FBXO25: variants seen among roughly 807,000 people sequenced by gnomAD.
The protein encoded by FBXO25 is F-box only protein 25.
Under a neutral mutation model 51.9 loss-of-function variants are expected in FBXO25, and 45 were observed. The ratio of observed to expected loss-of-function variants is 0.87; its 90% CI spans 0.68 to 1.11. FBXO25 has a LOEUF of 1.11. FBXO25 is among the 50% of genes most tolerant of loss of function. The pLI is 0.00. For missense variants in FBXO25, 507 were observed against 428.5 expected, an observed-to-expected ratio of 1.18 and a Z score of -1.62; for synonymous variants, 199 against 151.0, an observed-to-expected ratio of 1.32 and a Z score of -2.33.
At chr8:456,371 G>A (rs562499887) in intron 7 of FBXO25, among the ~76,000 whole-genome samples, 71 of 152,208 alleles carry the variant, frequency 4.7e-4, no homozygotes, top group African/African-American at 1.5e-3. Flanking sequence ...CACCCGGCCT[G>A]GCCATATTCT....
At chr8:424,323 C>A (rs946428450) in intron 2 of FBXO25, among the ~76,000 whole-genome samples, 1 of 152,092 alleles carries the variant, frequency 6.6e-6, no homozygotes, top group Non-Finnish European at 1.5e-5. Flanking sequence ...TGTCTATATT[C>A]TCTGTCAATA....
intron 7 of FBXO25, among the ~76,000 whole-genome samples, chr8:454,500 A>G (rs1031619938): frequency 2.0e-5 from 3 of 152,236 alleles, no homozygotes; most frequent in African/African-American, 7.2e-5. Flanking sequence ...AGATGAGCAC[A>G]TGATGTGTCA....
At chr8:466,902 C>A (rs964934572) in intron 9 of FBXO25, among the ~76,000 whole-genome samples, 1 of 152,146 alleles carries the variant, frequency 6.6e-6, no homozygotes, top group Non-Finnish European at 1.5e-5. Context: ...CTGTACAAAA[C>A]CTCAGTTAAA....
chr8:446,713 A>G (rs1388353123), intron 5 of FBXO25, among the ~76,000 whole-genome samples: 3 of 152,214 alleles, frequency 2.0e-5, no homozygotes. Context: ...TGCTTGGCCT[A>G]ACCTGATCTT....
rs754758267 is a variant in FBXO25 at position 468,806 on chromosome 8, G to T, written c.*2G>T. On this transcript the variant is annotated 3_prime_UTR_variant, in exon 10 of 10. Transcript: ENST00000350302. ...TTCATCGACCTCTTCAAGTTTTAAG[G>T]GCTGCCCCTGCCATCCCTATTGGAG... 6.2e-7 allele frequency: 1 copy of T among 1,613,668 alleles called. No individual in the cohort carries two copies. The highest frequency in any genetic ancestry group is 1.1e-5 in the South Asian group (1 of 91,000).
At chr8:440,640 A>C (rs1042711987) in intron 5 of FBXO25, among the ~76,000 whole-genome samples, 28 of 151,966 alleles carry the variant, frequency 1.8e-4, no homozygotes, top group Non-Finnish European at 2.9e-5. Flanking sequence ...CTCAATGTGC[A>C]GGTTTGTTAC....
chr8:467,774 G>A, intron 9 of FBXO25: 1 of 1,613,576 alleles, frequency 6.2e-7, no homozygotes, highest in Non-Finnish European at 8.5e-7. Context: ...CACACATCCT[G>A]TGTTCGGGAT....
At chr8:422,872 T>G (rs4464944) in intron 2 of FBXO25, among the ~76,000 whole-genome samples, 3 of 152,068 alleles carry the variant, frequency 2.0e-5, no homozygotes, top group African/African-American at 7.2e-5. Context: ...ATGGTGTCTT[T>G]ATTGGGTATG....
intron 2 of FBXO25, among the ~76,000 whole-genome samples, chr8:430,390 C>A (rs933109956): frequency 6.6e-6 from 1 of 151,734 alleles, no homozygotes; most frequent in African/African-American, 2.4e-5. Context: ...CTGTTGGCAC[C>A]GCTGTTTAAG....
At chr8:439,491 C>T (rs1184968962) in intron 5 of FBXO25, among the ~76,000 whole-genome samples, 1 of 152,236 alleles carries the variant, frequency 6.6e-6, no homozygotes, top group Non-Finnish European at 1.5e-5. Context: ...TGAAGTACTT[C>T]ATTCTCTGCC....
In FBXO25 at chr8:471,336, G is replaced by T. The variant is rs1357476109; in HGVS notation, c.*2532G>T. 1 of 152,220 alleles carries T rather than the reference G, an allele frequency of 6.6e-6. No individual in the cohort carries two copies. The highest frequency in any genetic ancestry group is 6.5e-5 in the Admixed American group (1 of 15,288). 9.4% of individuals were successfully genotyped at this position (152,220 alleles called of 1,614,324 possible). On this transcript the variant is annotated 3_prime_UTR_variant, in exon 10 of 10. Transcript: ENST00000350302. ...AAAGACAATTTTGAGGCACTGATCA[G>T]TTATTTACAGAAGATCGGACAACAC...
Position 473,332 on chromosome 8 carries a change from T to C in FBXO25, c.*4528T>C, listed in dbSNP as rs1251587809. ...AGCCCTGGCTCACAGCATGAGACAG[T>C]GTGTTCTAGGTGGTAACGTGGCACC... On this transcript the variant is annotated 3_prime_UTR_variant, in exon 10 of 10. Coordinates refer to ENST00000350302, the MANE Select transcript of FBXO25 (RefSeq NM_183420.2). The C allele has an allele frequency of 1.3e-5, 2 of 152,272 alleles. No individual in the cohort carries two copies. Among genetic ancestry groups the C allele is most frequent in the African/African-American group, 4.8e-5 (2 of 41,434 alleles). 9.4% of individuals were successfully genotyped at this position (152,272 alleles called of 1,614,324 possible). A position where few individuals can be genotyped will look rare whatever the true frequency, so the allele number is the denominator to read the frequency against.
chr8:424,118 A>C (rs868473925), intron 2 of FBXO25, among the ~76,000 whole-genome samples: 6 of 120,640 alleles, frequency 5.0e-5, no homozygotes, highest in East Asian at 2.4e-4. Flanking sequence ...TCCTTTGCCC[A>C]TTTTTTTTTT....
At chr8:452,567 C>G (rs1799164289) in intron 7 of FBXO25, among the ~76,000 whole-genome samples, 3 of 152,188 alleles carry the variant, frequency 2.0e-5, no homozygotes, top group African/African-American at 7.2e-5. Context: ...TAGTGATGTT[C>G]AGCAGGTGAC....
intron 7 of FBXO25, among the ~76,000 whole-genome samples, chr8:455,215 C>A (rs1446335593): frequency 6.6e-6 from 1 of 152,192 alleles, no homozygotes; most frequent in East Asian, 1.9e-4. Context: ...GTGGGCATTG[C>A]AGAGCCTTTG....
intron 2 of FBXO25, among the ~76,000 whole-genome samples, chr8:430,974 A>G (rs1177976927): frequency 6.6e-6 from 1 of 152,218 alleles, no homozygotes; most frequent in Non-Finnish European, 1.5e-5. Flanking sequence ...GGGAAGGTAT[A>G]CAGCAAGTCA....
chr8:407,291 G>A, intron 1 of FBXO25: 1 of 936,534 alleles, frequency 1.1e-6, no homozygotes, highest in East Asian at 1.2e-4. Context: ...GGCCTCGGGC[G>A]CGTCAGGTGG....
At chr8:440,791 T>TG (rs1380400229) in intron 5 of FBXO25, among the ~76,000 whole-genome samples, 22 of 146,632 alleles carry the variant, frequency 1.5e-4, no homozygotes, top group African/African-American at 4.5e-4. Context: ...CCTGTGCCCA[T>TG]GTGTTCTCAT....
rs144227759 is a variant in FBXO25 at position 451,398 on chromosome 8, G to T, written c.605G>T (p.Arg202Leu). 1.2e-6 allele frequency: 2 copies of T among 1,613,902 alleles called. No individual in the cohort carries two copies. The highest frequency in any genetic ancestry group is 1.7e-6 in the Non-Finnish European group (2 of 1,179,920). Residue 202 changes from arginine (R) to leucine (L), a missense_variant, in exon 7 of 10, where the codon CGA becomes CTA. Physicochemically the swap from Arg to Leu is moderately radical, Grantham distance 102. Coordinates refer to ENST00000350302, the MANE Select transcript of FBXO25 (RefSeq NM_183420.2). ...GGAAACATCAATATTTGGATTTGCC[G>T]ATTAGAAACTATTCTCGCCTGGCAA... Reference protein sequence around the residue: ...LVGNINIWICRLETILAWQQQ... With the variant: ...LVGNINIWICLLETILAWQQQ...
Sources: gnomAD v4.1 joint callset for allele counts (sites outside exome capture counted in the v4.1 genomes callset) on GRCh38, gnomAD v4.1.1 for gene constraint, MANE v1.5 for transcripts, NCBI Gene and HGNC (gene_info 2026-07-23, HGNC 2026-07-21) for gene names.